The following GABRG3 variants were observed in gnomAD, a reference collection of about 807,000 sequenced individuals.
GABRG3 encodes the protein gamma-aminobutyric acid type A receptor subunit gamma3.
Under a neutral mutation model 48.8 loss-of-function variants are expected in GABRG3, and 25 were observed. The observed-to-expected ratio is 0.51, with a 90% CI of 0.37 to 0.72. The LOEUF is 0.72. Ranked by LOEUF, GABRG3 falls within the 30% of genes least tolerant of loss-of-function variation. GABRG3 has a pLI of 0.00. For synonymous variants in GABRG3, 227 were observed against 217.6 expected (o/e 1.04, Z -0.38); for missense variants, 394 against 577.9 (o/e 0.68, Z 3.26).
At chr15:27,362,023 A>G (rs1895040682) in intron 5 of GABRG3, among the ~76,000 whole-genome samples, 1 of 152,214 alleles carries the variant, frequency 6.6e-6, no homozygotes, top group South Asian at 2.1e-4. Context: ...ACACACGCTC[A>G]TGATGTTTTC....
At chr15:27,455,198 A>G (rs1889226417) in intron 5 of GABRG3, among the ~76,000 whole-genome samples, 1 of 152,242 alleles carries the variant, frequency 6.6e-6, no homozygotes, top group Non-Finnish European at 1.5e-5. Flanking sequence ...ACTCCTGGCT[A>G]TCACGGTCCT....
rs1008672152 is a variant in GABRG3 at position 27,447,861 on chromosome 15, G to T, written c.575-32789G>T. 1.2e-4 allele frequency among the ~76,000 whole-genome samples: 19 copies of T among 152,228 alleles called. No individual in the cohort carries two copies. The highest frequency in any genetic ancestry group is 4.6e-4 in the African/African-American group (19 of 41,538). On this transcript the variant is annotated intron_variant, in intron 5 of 9. Transcript: ENST00000615808. This position sits in a 1 kb window ranked among gnomAD's most constrained non-coding sequence, Gnocchi z 4.0. ...CACCAGGGCCTGTCAGGGGTAAGGGGGCTGGGGGAGAGATAGCATTAGGAA... is the reference window on the plus strand; with the variant it reads ...CACCAGGGCCTGTCAGGGGTAAGGGTGCTGGGGGAGAGATAGCATTAGGAA...
chr15:27,072,302 G>T (rs1896842053), intron 3 of GABRG3, among the ~76,000 whole-genome samples: 1 of 152,148 alleles, frequency 6.6e-6, no homozygotes, highest in Admixed American at 6.5e-5. Flanking sequence ...CATCAACTTT[G>T]TCTTCAGCAT....
chr15:27,318,879 A>T (rs757088533), intron 3 of GABRG3, among the ~76,000 whole-genome samples: 3 of 152,148 alleles, frequency 2.0e-5, no homozygotes, highest in African/African-American at 7.2e-5. Flanking sequence ...AAGCGTGGTT[A>T]CCAGGACCTG....
chr15:27,120,308 CTGT>C (rs1484015539), intron 3 of GABRG3, among the ~76,000 whole-genome samples: 1 of 152,168 alleles, frequency 6.6e-6, no homozygotes, highest in East Asian at 1.9e-4. Context: ...TTGTATGTTG[CTGT>C]TGTTTATTGT....
At position 27,424,755 on chromosome 15, in the gene GABRG3, T is replaced by C. The variant is rs571758704; in HGVS notation, c.575-55895T>C. ...TTTTAGTAGAGATGGGGTTTCACCA[T>C]GTTGGCCAGGCTGGTCTCGAACTCC... is the stretch of plus-strand genomic sequence containing the variant. On this transcript the variant is annotated intron_variant, in intron 5 of 9. Coordinates refer to ENST00000615808, the MANE Select transcript of GABRG3 (RefSeq NM_033223.5). Among the ~76,000 whole-genome samples, 37 of 152,240 alleles carry C rather than the reference T, an allele frequency of 2.4e-4. No homozygotes were observed. The South Asian group carries it at 6.8e-3, about 28-fold the overall frequency.
intron 3 of GABRG3, among the ~76,000 whole-genome samples, chr15:27,207,110 T>C (rs1301416129): frequency 1.3e-5 from 2 of 152,200 alleles, no homozygotes; most frequent in Non-Finnish European, 2.9e-5. Context: ...CTGGTGGTTA[T>C]GTAGACTTGA....
At chr15:27,195,305 C>G (rs1888460044) in intron 3 of GABRG3, among the ~76,000 whole-genome samples, 1 of 152,048 alleles carries the variant, frequency 6.6e-6, no homozygotes, top group Non-Finnish European at 1.5e-5. Context: ...AATTTGTTTT[C>G]TCTTTCTCTC....
At chr15:27,016,752 C>T (rs1038214458) in intron 2 of GABRG3, among the ~76,000 whole-genome samples, 1 of 152,088 alleles carries the variant, frequency 6.6e-6, no homozygotes, top group African/African-American at 2.4e-5. Flanking sequence ...AACACTCTAC[C>T]GTAAGTCCCT....
rs191385679 is a variant in GABRG3, at chr15:27,333,402, G to A, written c.574+4514G>A. Among the ~76,000 whole-genome samples the A allele has an allele frequency of 5.3e-5, 8 of 152,182 alleles. No individual in the cohort carries two copies. The East Asian group carries it at 5.8e-4, about 11-fold the overall frequency. On this transcript the variant is annotated intron_variant, in intron 5 of 9. Coordinates refer to ENST00000615808, the MANE Select transcript of GABRG3 (RefSeq NM_033223.5). ...TTTTTCAAGCTCCTAGAGGCCGCCCGCATTCCATAACGTGGGTCCCCTTCT... is the reference window on the plus strand; with the variant it reads ...TTTTTCAAGCTCCTAGAGGCCGCCCACATTCCATAACGTGGGTCCCCTTCT...
intron 3 of GABRG3, among the ~76,000 whole-genome samples, chr15:27,291,858 G>A (rs1305137210): frequency 6.6e-6 from 1 of 152,176 alleles, no homozygotes; most frequent in Non-Finnish European, 1.5e-5. Context: ...ATAAATTTGG[G>A]TATTGATCAG....
chr15:27,499,873 C>T (rs1890576573), intron 6 of GABRG3, among the ~76,000 whole-genome samples: 1 of 152,128 alleles, frequency 6.6e-6, no homozygotes, highest in South Asian at 2.1e-4. Context: ...AAACTGAGAC[C>T]CAAAGGATGG....
chr15:27,463,288 AAT>A (rs1233019845), intron 5 of GABRG3, among the ~76,000 whole-genome samples: 3 of 152,234 alleles, frequency 2.0e-5, no homozygotes, highest in African/African-American at 7.2e-5. Flanking sequence ...TCTATTGAAG[AAT>A]GTGAAACAAG....
At chr15:27,492,704 T>A (rs1168327225) in intron 6 of GABRG3, among the ~76,000 whole-genome samples, 1 of 152,232 alleles carries the variant, frequency 6.6e-6, no homozygotes, top group Non-Finnish European at 1.5e-5. Flanking sequence ...AAGACATATA[T>A]TCATGTTGTT....
chr15:27,495,983 T>C (rs1890477469), intron 6 of GABRG3, among the ~76,000 whole-genome samples: 1 of 152,180 alleles, frequency 6.6e-6, no homozygotes, highest in Non-Finnish European at 1.5e-5. Context: ...AGAGGGACAT[T>C]GTCTCCTTAC....
At chr15:27,268,767 C>T (rs1157141695) in intron 3 of GABRG3, among the ~76,000 whole-genome samples, 1 of 152,002 alleles carries the variant, frequency 6.6e-6, no homozygotes, top group Non-Finnish European at 1.5e-5. Context: ...CCTTCTAACA[C>T]TCTGTCTTGC....
chr15:27,056,253 A>C (rs935361256), intron 3 of GABRG3, among the ~76,000 whole-genome samples: 1 of 141,604 alleles, frequency 7.1e-6, no homozygotes, highest in Non-Finnish European at 1.5e-5. Flanking sequence ...TGGGAGGCTG[A>C]GGTGGGAGGA....
At chr15:26,997,508 CTTTA>C (rs760821064) in intron 2 of GABRG3, among the ~76,000 whole-genome samples, 16 of 152,124 alleles carry the variant, frequency 1.1e-4, no homozygotes, top group Admixed American at 2.0e-4. Context: ...TTGCTTGTTC[CTTTA>C]TTTGTTTAGT....
chr15:27,465,128 G>A (rs1889566139), intron 5 of GABRG3, among the ~76,000 whole-genome samples: 2 of 152,214 alleles, frequency 1.3e-5, no homozygotes, highest in African/African-American at 4.8e-5. Context: ...TGATGAAGCT[G>A]CTGCCTCTCT....
Sources: allele counts gnomAD v4.1 joint callset (sites outside exome capture counted in the v4.1 genomes callset), GRCh38; gene constraint gnomAD v4.1.1; non-coding constraint Gnocchi (gnomAD v3.1); transcripts MANE v1.5; gene names NCBI Gene and HGNC (gene_info 2026-07-23, HGNC 2026-07-21).